Variants in UBXN7 observed in about 807,000 individuals in gnomAD.
UBXN7 encodes UBX domain-containing protein 7.
Under a neutral mutation model 58.0 loss-of-function variants are expected in UBXN7, and 9 were observed. The observed-to-expected ratio is 0.16, with a 90% CI of 0.09 to 0.27. UBXN7 has a LOEUF of 0.27. UBXN7 is among the 10% of genes least tolerant of loss of function. UBXN7 has a pLI of 1.00. For missense variants in UBXN7, 328 were observed against 599.6 expected (o/e 0.55, Z 4.73); for synonymous variants, 208 against 205.0 (o/e 1.01, Z -0.12).
At chr3:196,391,626 C>T (rs922736161) in intron 5 of UBXN7, among the ~76,000 whole-genome samples, 187 bp downstream of exon 5, 2 of 151,952 alleles carry the variant, frequency 1.3e-5, no homozygotes, top group Non-Finnish European at 2.9e-5. Context: ...CCTAGCTACT[C>T]GGGAAGCTGA....
At chr3:196,357,022 C>T (rs989984917) in intron 10 of UBXN7, among the ~76,000 whole-genome samples, 176 bp from the exon 11 acceptor site, 7 of 152,156 alleles carry the variant, frequency 4.6e-5, no homozygotes, top group Admixed American at 1.3e-4. Context: ...AACCTTTGGA[C>T]GGGGAGATAA....
At chr3:196,426,154 T>G (rs1006473750) in intron 1 of UBXN7, among the ~76,000 whole-genome samples, 1 of 151,580 alleles carries the variant, frequency 6.6e-6, no homozygotes, top group African/African-American at 2.4e-5. Context: ...GAGGCTGAGG[T>G]GGGTGGATCA....
chr3:196,404,471 C>T (rs1261160497), intron 2 of UBXN7, among the ~76,000 whole-genome samples: 1 of 152,042 alleles, frequency 6.6e-6, no homozygotes, highest in East Asian at 1.9e-4. Context: ...ACTGCGTTAG[C>T]CAGGATGGTC....
Position 196,432,389 on chromosome 3 carries a change from T to C in UBXN7, c.11A>G (p.His4Arg). The change falls in exon 1 of 11, where the codon CAC becomes CGC. Residue 4 changes from histidine to arginine, a missense_variant. By Grantham distance (29) the His-to-Arg change is conservative. Coordinates refer to ENST00000296328, the MANE Select transcript of UBXN7 (RefSeq NM_015562.2). MAA[H>R]GGSAASSALK... Reference sequence around the variant, plus strand: ...CGCCGAGGACGCCGCGGAGCCCCCGTGGGCAGCCATCTTACCGCCGCCGCC... The same window carrying C: ...CGCCGAGGACGCCGCGGAGCCCCCGCGGGCAGCCATCTTACCGCCGCCGCC... The C allele has an allele frequency of 6.3e-7, 1 of 1,593,940 alleles. No individual in the cohort carries two copies. The highest frequency in any genetic ancestry group is 1.1e-5 in the South Asian group (1 of 90,342).
intron 1 of UBXN7, among the ~76,000 whole-genome samples, chr3:196,429,299 C>G (rs1177778665): frequency 6.6e-6 from 1 of 151,756 alleles, no homozygotes; most frequent in Non-Finnish European, 1.5e-5. Flanking sequence ...TGCACTCCAG[C>G]CTGGGTGACA....
chr3:196,372,343 CTT>C (rs894793736), intron 5 of UBXN7, among the ~76,000 whole-genome samples: 28 of 107,472 alleles, frequency 2.6e-4, no homozygotes, highest in African/African-American at 4.7e-4. Flanking sequence ...TTCTTTCTTT[CTT>C]TTTTTTTTTT....
In UBXN7 at chr3:196,412,353, C is replaced by T. The variant is rs1048362373; in HGVS notation, c.74-4960G>A. On this transcript the variant is annotated intron_variant, in intron 1 of 10. Transcript: ENST00000296328. ...CATTTCACTTAAATCTCTAGAAACG[C>T]AAATAGTTGACGGTCAACTGTTTTT... 1.3e-4 allele frequency among the ~76,000 whole-genome samples: 19 copies of T among 151,660 alleles called. 1 individual carries two copies. Among genetic ancestry groups the T allele is most frequent in the African/African-American group, 4.6e-4 (19 of 41,352 alleles).
intron 1 of UBXN7, among the ~76,000 whole-genome samples, chr3:196,408,011 T>C (rs1346280246): frequency 1.3e-5 from 2 of 150,008 alleles, no homozygotes; most frequent in Non-Finnish European, 2.9e-5. Context: ...GGTAGGAGAA[T>C]TGCTTGAACC....
At chr3:196,389,055 C>A (rs1011715293) in intron 5 of UBXN7, among the ~76,000 whole-genome samples, 2 of 152,118 alleles carry the variant, frequency 1.3e-5, no homozygotes, top group African/African-American at 4.8e-5. Flanking sequence ...AGAAAAGTAA[C>A]TGCTTTTTCA....
At chr3:196,405,653 CAATT>C (rs1399493390) in intron 2 of UBXN7, among the ~76,000 whole-genome samples, 6 of 151,982 alleles carry the variant, frequency 3.9e-5, no homozygotes, top group Non-Finnish European at 5.9e-5. Context: ...TGAAATGCAT[CAATT>C]AGAGGGGTGG....
chr3:196,364,894 C>T (rs1349506310), intron 8 of UBXN7, among the ~76,000 whole-genome samples: 3 of 151,986 alleles, frequency 2.0e-5, no homozygotes, highest in Non-Finnish European at 4.4e-5. Context: ...TTCAGGCGAA[C>T]TTACCACCCC....
At chr3:196,422,224 G>T (rs1001518669) in intron 1 of UBXN7, among the ~76,000 whole-genome samples, 1 of 151,958 alleles carries the variant, frequency 6.6e-6, no homozygotes, top group Non-Finnish European at 1.5e-5. Flanking sequence ...AAAAAGCCCA[G>T]GCGTGGAGGC....
chr3:196,374,880 AGGGG>A (rs1728946892), intron 5 of UBXN7, among the ~76,000 whole-genome samples: 1 of 17,048 alleles, frequency 5.9e-5, no homozygotes, highest in Non-Finnish European at 1.1e-4. Flanking sequence ...AGGGGAGGGG[AGGGG>A]AGGGGGAGGG....
intron 8 of UBXN7, among the ~76,000 whole-genome samples, chr3:196,363,259 T>C (rs1224532539): frequency 6.6e-6 from 1 of 151,392 alleles, no homozygotes; most frequent in East Asian, 1.9e-4. Context: ...TAAATATATA[T>C]ATACACATAT....
At chr3:196,404,996 A>T (rs534533529) in intron 2 of UBXN7, among the ~76,000 whole-genome samples, 3 of 152,238 alleles carry the variant, frequency 2.0e-5, no homozygotes, top group South Asian at 4.1e-4. Flanking sequence ...TTTACAAAAA[A>T]TACAAAAATT....
At chr3:196,369,343 C>T in intron 7 of UBXN7, 78 bp downstream of exon 7, 1 of 1,171,960 alleles carries the variant, frequency 8.5e-7, no homozygotes, top group Non-Finnish European at 1.2e-6. Flanking sequence ...CAGATCCAGT[C>T]AAATATTAAA....
chr3:196,394,859 G>A (rs1729721526), intron 3 of UBXN7, among the ~76,000 whole-genome samples: 3 of 152,126 alleles, frequency 2.0e-5, no homozygotes, highest in African/African-American at 4.8e-5. Flanking sequence ...TTTTTTCACA[G>A]TTACACAATG....
chr3:196,429,128 C>T (rs1451717943), intron 1 of UBXN7, among the ~76,000 whole-genome samples: 7 of 151,954 alleles, frequency 4.6e-5, no homozygotes, highest in Non-Finnish European at 7.4e-5. Context: ...GAGATCGAGA[C>T]CATCCCAGAT....
intron 3 of UBXN7, among the ~76,000 whole-genome samples, chr3:196,398,082 AAG>A (rs1445248407): frequency 6.6e-6 from 1 of 152,172 alleles, no homozygotes; most frequent in Non-Finnish European, 1.5e-5. Context: ...ACGTTACAAA[AAG>A]ACAGTGGCTT....
Sources: gnomAD v4.1 joint callset for allele counts (sites outside exome capture counted in the v4.1 genomes callset) on GRCh38, gnomAD v4.1.1 for gene constraint, MANE v1.5 for transcripts, NCBI Gene and HGNC (gene_info 2026-07-23, HGNC 2026-07-21) for gene names.